MARCHF1: variants seen among roughly 807,000 people sequenced by gnomAD.
The protein encoded by MARCHF1 is membrane associated ring-CH-type finger 1.
In MARCHF1, 40 loss-of-function variants were observed where a neutral mutation model predicts 54.2. That is an observed-to-expected ratio of 0.74 (90% CI 0.57 to 0.96). The LOEUF (loss-of-function observed/expected upper bound fraction) is 0.96. Among genes scored for constraint, MARCHF1 ranks in the 40% least tolerant of loss-of-function variants. The pLI, the probability that MARCHF1 is intolerant of heterozygous loss-of-function variation, is 0.00. For synonymous variants in MARCHF1, 236 were observed against 236.3 expected (o/e 1.00, Z 0.01); for missense variants, 586 against 656.5 (o/e 0.89, Z 1.17).
intron 2 of MARCHF1, among the ~76,000 whole-genome samples, chr4:164,040,506 A>G (rs887403004): frequency 1.3e-5 from 2 of 149,754 alleles, no homozygotes; most frequent in African/African-American, 2.4e-5. Flanking sequence ...AAATATTTTT[A>G]AAGTATATAG....
intron 1 of MARCHF1, among the ~76,000 whole-genome samples, chr4:164,191,170 C>T (rs184938266): frequency 4.0e-4 from 61 of 152,250 alleles, no homozygotes; most frequent in African/African-American, 1.4e-3. Flanking sequence ...ATGGATTGAA[C>T]GTCGATGCAA....
intron 4 of MARCHF1, among the ~76,000 whole-genome samples, chr4:163,722,932 T>C (rs924197013): frequency 1.3e-5 from 2 of 152,198 alleles, no homozygotes; most frequent in Admixed American, 6.5e-5. Context: ...GCAAGTGAGA[T>C]GGGTTTCCTG....
At chr4:163,695,522 A>T (rs1386670926) in intron 5 of MARCHF1, among the ~76,000 whole-genome samples, 1 of 152,166 alleles carries the variant, frequency 6.6e-6, no homozygotes, top group Non-Finnish European at 1.5e-5. Flanking sequence ...CTAACTGAAG[A>T]ATTGAAATGA....
chr4:163,671,582 T>C (rs1428873875), intron 5 of MARCHF1, among the ~76,000 whole-genome samples: 2 of 152,214 alleles, frequency 1.3e-5, no homozygotes, highest in African/African-American at 2.4e-5. Context: ...GTGGGTCACA[T>C]AAATGGCTAA....
intron 1 of MARCHF1, among the ~76,000 whole-genome samples, chr4:164,210,496 T>C (rs780465673): frequency 1.3e-5 from 2 of 152,176 alleles, no homozygotes; most frequent in Non-Finnish European, 2.9e-5. Flanking sequence ...GCCTGTATGT[T>C]ACCCAGTTGG....
intron 1 of MARCHF1, among the ~76,000 whole-genome samples, chr4:164,337,410 C>G (rs1729770835): frequency 6.6e-6 from 1 of 152,242 alleles, no homozygotes; most frequent in Non-Finnish European, 1.5e-5. Context: ...GCTCTGCCCA[C>G]AGGGAGAAGT....
chr4:164,173,881 G>A (rs114294504), intron 1 of MARCHF1, among the ~76,000 whole-genome samples: 2,196 of 152,256 alleles, frequency 0.014, 31 homozygotes, highest in Non-Finnish European at 0.022. Flanking sequence ...AGCATGGCAA[G>A]AGCAGACTAA....
intron 3 of MARCHF1, among the ~76,000 whole-genome samples, chr4:163,872,092 A>T (rs1249479950): frequency 1.3e-5 from 2 of 152,214 alleles, no homozygotes; most frequent in Non-Finnish European, 2.9e-5. Flanking sequence ...TACTAGACAC[A>T]GTTAGTGGAA....
At chr4:164,050,599 G>A (rs1171241838) in intron 2 of MARCHF1, among the ~76,000 whole-genome samples, 1 of 152,136 alleles carries the variant, frequency 6.6e-6, no homozygotes, top group African/African-American at 2.4e-5. Context: ...GGCAGCATTA[G>A]CATCCCCTGG....
At chr4:164,106,778 A>AT (rs1258726251) in intron 2 of MARCHF1, among the ~76,000 whole-genome samples, 1 of 134,346 alleles carries the variant, frequency 7.4e-6, no homozygotes, top group African/African-American at 3.8e-5. Context: ...AAAATAAAAA[A>AT]TAAAAAAAAA....
intron 5 of MARCHF1, among the ~76,000 whole-genome samples, chr4:163,636,712 C>A (rs1742341322): frequency 6.6e-6 from 1 of 151,986 alleles, no homozygotes; most frequent in African/African-American, 2.4e-5. Context: ...ATCAAGCTAC[C>A]AATGCCTTTC....
chr4:164,047,549 C>T (rs1754267624), intron 2 of MARCHF1, among the ~76,000 whole-genome samples: 1 of 152,148 alleles, frequency 6.6e-6, no homozygotes, highest in Admixed American at 6.6e-5. Flanking sequence ...GTAATGCATC[C>T]CAATGTAATT....
chr4:164,212,845 C>T (rs1041140737), intron 1 of MARCHF1, among the ~76,000 whole-genome samples: 2 of 152,114 alleles, frequency 1.3e-5, no homozygotes, highest in African/African-American at 4.8e-5. Context: ...AAACGAGGCC[C>T]ACCAAGGTAT....
chr4:163,626,548 A>G (rs146633986), intron 5 of MARCHF1, among the ~76,000 whole-genome samples: 2 of 152,314 alleles, frequency 1.3e-5, no homozygotes, highest in African/African-American at 4.8e-5. Context: ...ACTGCTGCAG[A>G]AGATTCTTTT....
chr4:164,084,862 A>C (rs1755164434), intron 2 of MARCHF1, among the ~76,000 whole-genome samples: 1 of 151,842 alleles, frequency 6.6e-6, no homozygotes, highest in Non-Finnish European at 1.5e-5. Context: ...ACTTTATCAC[A>C]ATACATAAAA....
chr4:164,122,568 T>C (rs548375109), intron 1 of MARCHF1, among the ~76,000 whole-genome samples: 1 of 152,128 alleles, frequency 6.6e-6, no homozygotes, highest in African/African-American at 2.4e-5. Context: ...ATGAGCCCTA[T>C]ATAAATCAGA....
chr4:163,831,157 G>A (rs72685636), intron 4 of MARCHF1, among the ~76,000 whole-genome samples: 9,966 of 152,210 alleles, frequency 0.065, 379 homozygotes, highest in African/African-American at 0.095. Flanking sequence ...TGTAGTTTCT[G>A]TTTTCTGCAC....
intron 4 of MARCHF1, among the ~76,000 whole-genome samples, chr4:163,837,655 T>C (rs1260033118): frequency 4.2e-5 from 1 of 23,620 alleles, no homozygotes; most frequent in Non-Finnish European, 1.1e-4. Flanking sequence ...AACTAATACA[T>C]AGCTTCAAAA....
At chr4:164,010,966 C>T (rs1023634873) in intron 2 of MARCHF1, among the ~76,000 whole-genome samples, 1 of 152,100 alleles carries the variant, frequency 6.6e-6, no homozygotes, top group Admixed American at 6.6e-5. Context: ...CACAAATTTA[C>T]AGCCAACTCA....
Sources: gnomAD v4.1 joint callset for allele counts (sites outside exome capture counted in the v4.1 genomes callset) on GRCh38, gnomAD v4.1.1 for gene constraint, MANE v1.5 for transcripts, NCBI Gene and HGNC (gene_info 2026-07-23, HGNC 2026-07-21) for gene names.